MFHAS1: variants seen among roughly 807,000 people sequenced by gnomAD.
The protein encoded by MFHAS1 is malignant fibrous histiocytoma-amplified sequence 1.
A neutral mutation model predicts 70.4 loss-of-function variants in MFHAS1; 50 were observed. The observed-to-expected ratio is 0.71, with a 90% CI of 0.57 to 0.90. The LOEUF (loss-of-function observed/expected upper bound fraction) is 0.90. Among genes scored for constraint, MFHAS1 ranks in the 40% least tolerant of loss-of-function variants. The pLI is 0.00. For synonymous variants in MFHAS1, 952 were observed against 620.0 expected, an observed-to-expected ratio of 1.54 and a Z score of -7.96; for missense variants, 1,795 against 1,347.6, an observed-to-expected ratio of 1.33 and a Z score of -5.20.
rs918228390 is a variant in MFHAS1, at chr8:8,805,369, T to C, written c.2999-7878A>G. On this transcript the variant is annotated intron_variant, in intron 1 of 2. Transcript: ENST00000276282. ...TGTAATCAGCTGATTAACAGATATT[T>C]TGTGTGTCACATATAGCATGTGCTG... is the stretch of plus-strand genomic sequence containing the variant. Among the ~76,000 whole-genome samples the C allele has an allele frequency of 3.3e-5, 5 of 152,344 alleles. No individual in the cohort carries two copies. In the South Asian group the frequency reaches 1.0e-3, roughly 32 times the overall value.
At chr8:8,798,417 C>T (rs1445890981) in intron 1 of MFHAS1, among the ~76,000 whole-genome samples, 1 of 152,164 alleles carries the variant, frequency 6.6e-6, no homozygotes, top group African/African-American at 2.4e-5. Flanking sequence ...CCTCAATCTC[C>T]CAGGCTCAGG....
At chr8:8,806,567 C>T (rs1806297371) in intron 1 of MFHAS1, among the ~76,000 whole-genome samples, 1 of 152,210 alleles carries the variant, frequency 6.6e-6, no homozygotes, top group South Asian at 2.1e-4. Context: ...GCATCTTCAT[C>T]AGTCCCAGAT....
At chr8:8,848,830 A>C (rs999986167) in intron 1 of MFHAS1, among the ~76,000 whole-genome samples, 12 of 152,314 alleles carry the variant, frequency 7.9e-5, no homozygotes, top group South Asian at 6.2e-4. Context: ...CAATTTAATC[A>C]AACAGTGCGA....
At chr8:8,852,094 C>A (rs1281338024) in intron 1 of MFHAS1, among the ~76,000 whole-genome samples, 1 of 152,102 alleles carries the variant, frequency 6.6e-6, no homozygotes, top group East Asian at 1.9e-4. Context: ...CCATGGGAGT[C>A]GCACCCTTAG....
chr8:8,882,972 G>A (rs1424879533), intron 1 of MFHAS1, among the ~76,000 whole-genome samples: 1 of 152,090 alleles, frequency 6.6e-6, no homozygotes, highest in Non-Finnish European at 1.5e-5. Context: ...GGCCAACATG[G>A]TGAAACCCTG....
chr8:8,812,018 T>C (rs747994683), intron 1 of MFHAS1, among the ~76,000 whole-genome samples: 4 of 152,176 alleles, frequency 2.6e-5, no homozygotes, highest in African/African-American at 7.2e-5. Context: ...CTCCAGGAAG[T>C]GGTCACCCTG....
intron 1 of MFHAS1, among the ~76,000 whole-genome samples, chr8:8,879,208 T>G (rs1488653233): frequency 1.3e-5 from 2 of 152,072 alleles, no homozygotes; most frequent in Non-Finnish European, 2.9e-5. Context: ...AAAAACTAGC[T>G]GGGTGTGGTG....
At chr8:8,823,764 C>T (rs143405626) in intron 1 of MFHAS1, among the ~76,000 whole-genome samples, 1 of 147,568 alleles carries the variant, frequency 6.8e-6, no homozygotes, top group South Asian at 2.4e-4. Flanking sequence ...TCAAGACCCA[C>T]GGTGGCTGTG....
intron 1 of MFHAS1, among the ~76,000 whole-genome samples, chr8:8,858,922 G>A (rs556705141): frequency 6.6e-6 from 1 of 152,232 alleles, no homozygotes; most frequent in African/African-American, 2.4e-5. Flanking sequence ...ACACAAGCCA[G>A]ATATCTGTTT....
chr8:8,858,247 T>G (rs1339389549), intron 1 of MFHAS1, among the ~76,000 whole-genome samples: 1 of 152,206 alleles, frequency 6.6e-6, no homozygotes, highest in South Asian at 2.1e-4. Context: ...TTAGGCATTT[T>G]TATATGCATT....
chr8:8,833,580 G>C (rs1002036455), intron 1 of MFHAS1, among the ~76,000 whole-genome samples: 1 of 152,100 alleles, frequency 6.6e-6, no homozygotes, highest in Admixed American at 6.5e-5. Flanking sequence ...AGTGAGCCAC[G>C]ATTGCACGAC....
At chr8:8,802,796 C>T (rs1483087976) in intron 1 of MFHAS1, among the ~76,000 whole-genome samples, 2 of 152,170 alleles carry the variant, frequency 1.3e-5, no homozygotes, top group African/African-American at 4.8e-5. Flanking sequence ...GTGCGGAAAG[C>T]AGGCTACAGA....
rs761755633 is a variant in MFHAS1 at position 8,891,148 on chromosome 8, G to T, written c.1911C>A (p.Arg637=). ...CAACTGACAGCAACTTGTCCCGAAG[G>T]CGTCGTAAGTGGCGCGGGTCCCTGC... ...VSCRDPRHLR[R]LRDKLLSVAE... The change falls in exon 1 of 3, where the codon CGC becomes CGA. Residue 637 remains arginine (R), a synonymous_variant. Coordinates refer to ENST00000276282, the MANE Select transcript of MFHAS1 (RefSeq NM_004225.3). This position sits in a 1 kb window ranked among gnomAD's most constrained non-coding sequence, Gnocchi z 5.4. 2 of 1,613,572 alleles carry T rather than the reference G, an allele frequency of 1.2e-6. No homozygotes were observed. The highest frequency in any genetic ancestry group is 8.5e-7 in the Non-Finnish European group (1 of 1,180,050).
intron 1 of MFHAS1, among the ~76,000 whole-genome samples, chr8:8,821,583 G>A (rs1185608342): frequency 6.6e-6 from 1 of 151,830 alleles, no homozygotes; most frequent in Non-Finnish European, 1.5e-5. Context: ...AAAGGTGGGG[G>A]GTGCTTTTTA....
intron 1 of MFHAS1, among the ~76,000 whole-genome samples, chr8:8,812,145 T>G (rs1451108275): frequency 1.4e-5 from 2 of 146,186 alleles, no homozygotes; most frequent in African/African-American, 4.9e-5. Flanking sequence ...TTCTCAATTT[T>G]GAGGATTACA....
At position 8,893,136 on chromosome 8, in the gene MFHAS1, G is replaced by T; in HGVS notation, c.-78C>A. The T allele has an allele frequency of 9.1e-7, 1 of 1,093,398 alleles. No homozygotes were observed. Among genetic ancestry groups the T allele is most frequent in the Non-Finnish European group, 1.2e-6 (1 of 834,096 alleles). The allele number at this position is 1,093,398 out of a possible 1,614,324, so 67.7% of individuals were successfully genotyped here. A position where few individuals can be genotyped will look rare whatever the true frequency, so the allele number is the denominator to read the frequency against. ...TGCCGCGCCGCGCCCCGGGCCCTCC[G>T]GCTCCTGCCCCTGCCTGCCCTCCCG... On this transcript the variant is annotated 5_prime_UTR_variant, in exon 1 of 3. Transcript: ENST00000276282.
chr8:8,815,503 T>C (rs2117291991), intron 1 of MFHAS1, among the ~76,000 whole-genome samples: 1 of 152,356 alleles, frequency 6.6e-6, no homozygotes, highest in Non-Finnish European at 1.5e-5. Context: ...AGCATTCCTA[T>C]TTCTCCACAG....
At chr8:8,805,574 G>A (rs905664570) in intron 1 of MFHAS1, among the ~76,000 whole-genome samples, 1 of 152,218 alleles carries the variant, frequency 6.6e-6, no homozygotes, top group East Asian at 1.9e-4. Flanking sequence ...GGTTGTCTCA[G>A]GGGTGGCAGA....
Position 8,846,566 on chromosome 8 carries a change from A to T in MFHAS1, c.2998+43495T>A, listed in dbSNP as rs187999987. On this transcript the variant is annotated intron_variant, in intron 1 of 2. Transcript: ENST00000276282. ...AAATGTTCTCAGCTCAAAGTTCCCA[A>T]GCCTCACAGAATCTCCCCTCTGCTG... 1.9e-3 allele frequency among the ~76,000 whole-genome samples: 294 copies of T among 152,172 alleles called. 2 individuals carry two copies. The highest frequency in any genetic ancestry group is 6.1e-3 in the African/African-American group (254 of 41,526).
Sources: allele counts gnomAD v4.1 joint callset (sites outside exome capture counted in the v4.1 genomes callset), GRCh38; gene constraint gnomAD v4.1.1; non-coding constraint Gnocchi (gnomAD v3.1); transcripts MANE v1.5; gene names NCBI Gene and HGNC (gene_info 2026-07-23, HGNC 2026-07-21).